The following MOXD1 variants were observed in gnomAD, a reference collection of about 807,000 sequenced individuals.
MOXD1 encodes the protein monooxygenase DBH like 1.
Under a neutral mutation model 66.6 loss-of-function variants are expected in MOXD1, and 62 were observed. That is an observed-to-expected ratio of 0.93 (90% confidence interval 0.76 to 1.15). The LOEUF is 1.15. Among genes scored for constraint, MOXD1 ranks in the 50% most tolerant of loss-of-function variants. The pLI, the probability that MOXD1 is intolerant of heterozygous loss-of-function variation, is 0.00. For missense variants in MOXD1, 847 were observed against 754.6 expected, an observed-to-expected ratio of 1.12 and a Z score of -1.44; for synonymous variants, 303 against 281.9, an observed-to-expected ratio of 1.07 and a Z score of -0.75.
intron 1 of MOXD1, chr6:132,390,822 T>A (rs1023740167): frequency 6.6e-6 from 1 of 151,508 alleles, no homozygotes; most frequent in Non-Finnish European, 1.5e-5. Flanking sequence ...ATATGATGAA[T>A]GAAAAATCAT....
intron 1 of MOXD1, among the ~76,000 whole-genome samples, chr6:132,400,832 C>A (rs1386545226): frequency 6.6e-6 from 1 of 152,196 alleles, no homozygotes; most frequent in Non-Finnish European, 1.5e-5. Context: ...AGCCTAGGTC[C>A]TTCTCCCTTC....
At chr6:132,328,265 A>G (rs1433094663) in intron 5 of MOXD1, 150 bp from the exon 6 acceptor site, 2 of 1,219,920 alleles carry the variant, frequency 1.6e-6, no homozygotes, top group Non-Finnish European at 2.3e-6. Context: ...TGACTTAAAG[A>G]AAGAATCCCT....
chr6:132,335,159 T>A (rs1460715403), intron 4 of MOXD1, among the ~76,000 whole-genome samples: 1 of 151,922 alleles, frequency 6.6e-6, no homozygotes, highest in African/African-American at 2.4e-5. Context: ...TGAAAACAGA[T>A]TCAGTTCAAA....
At chr6:132,320,783 A>G in intron 8 of MOXD1, 95 bp from the exon 9 acceptor site, 1 of 1,005,054 alleles carries the variant, frequency 9.9e-7, no homozygotes, top group Middle Eastern at 2.1e-4. Flanking sequence ...TTGCTGTATG[A>G]ATGGATGCGC....
Position 132,401,209 on chromosome 6 carries a change from G to A in MOXD1, c.218C>T (p.Ala73Val). The A allele has an allele frequency of 6.4e-7, 1 of 1,561,100 alleles. No individual in the cohort carries two copies. Among genetic ancestry groups the A allele is most frequent in the Non-Finnish European group, 8.6e-7 (1 of 1,161,754 alleles). Residue 73 changes from alanine (A) to valine (V), a missense_variant, in exon 1 of 12, where the codon GCC becomes GTC. Ala to Val is a moderately conservative substitution (Grantham distance 64). Coordinates refer to ENST00000367963, the MANE Select transcript of MOXD1 (RefSeq NM_015529.4). ...GFSPTGAMAS[A>V]DIVVGGVAHG... The stretch of plus-strand genomic sequence containing the variant: ...GGCCACCCCGCCCACGACGATGTCG[G>A]CGGACGCCATGGCCCCGGTGGGCGA...
intron 1 of MOXD1, among the ~76,000 whole-genome samples, chr6:132,380,400 CT>C (rs1184205866): frequency 6.6e-6 from 1 of 152,138 alleles, no homozygotes; most frequent in Non-Finnish European, 1.5e-5. Flanking sequence ...CAGCTCTTTG[CT>C]TTTGTTCACA....
intron 1 of MOXD1, among the ~76,000 whole-genome samples, chr6:132,375,938 C>T (rs1051448997): frequency 6.6e-6 from 1 of 152,102 alleles, no homozygotes; most frequent in African/African-American, 2.4e-5. Context: ...ATGGTTTGGG[C>T]GGGGTCATAA....
rs181489154 is a variant in MOXD1, at chr6:132,342,643, A to T, written c.664-14049T>A. On this transcript the variant is annotated intron_variant, in intron 4 of 11. Transcript: ENST00000367963. Reference sequence around the variant, plus strand: ...TATTGCATACATCTCTATAGGTATGAGCTGTTTTTAAATGATACATGAATT... The same window carrying T: ...TATTGCATACATCTCTATAGGTATGTGCTGTTTTTAAATGATACATGAATT... Among the ~76,000 whole-genome samples, 421 of 152,290 alleles carry T rather than the reference A, an allele frequency of 2.8e-3. 1 individual carries two copies. The highest frequency in any genetic ancestry group is 9.7e-3 in the African/African-American group (402 of 41,554).
At chr6:132,367,108 C>CA (rs1179626075) in intron 4 of MOXD1, among the ~76,000 whole-genome samples, 1 of 151,986 alleles carries the variant, frequency 6.6e-6, no homozygotes, top group Non-Finnish European at 1.5e-5. Context: ...AGGATGATGA[C>CA]AGTGTTTTAC....
chr6:132,349,396 CATATATATACATATAT>C (rs1162001850), intron 4 of MOXD1, among the ~76,000 whole-genome samples: 616 of 41,280 alleles, frequency 0.015, 134 homozygotes, highest in South Asian at 0.043. Flanking sequence ...TATATATACA[CATATATATACATATAT>C]ATATATATAC....
chr6:132,328,123 T>C lies in MOXD1; in HGVS notation c.844-8A>G, dbSNP rs199511460. 5.0e-4 allele frequency: 807 copies of C among 1,606,198 alleles called. 5 individuals are homozygous for C. In the African/African-American group the frequency reaches 9.6e-3, roughly 19 times the overall value. ...AGGTGGATAAGAAAAGCCCTAAATA[T>C]GGAAAATGCCATGAGACAATGTCCT... On this transcript the variant is annotated splice_polypyrimidine_tract_variant and splice_region_variant and intron_variant, in intron 5 of 11. Coordinates refer to ENST00000367963, the MANE Select transcript of MOXD1 (RefSeq NM_015529.4).
chr6:132,354,742 G>A (rs1225463088), intron 4 of MOXD1, among the ~76,000 whole-genome samples: 1 of 152,212 alleles, frequency 6.6e-6, no homozygotes, highest in African/African-American at 2.4e-5. Flanking sequence ...TTTGTCTTCA[G>A]CTACCAGGGT....
At chr6:132,393,800 A>C (rs1203484832) in intron 1 of MOXD1, among the ~76,000 whole-genome samples, 1 of 152,116 alleles carries the variant, frequency 6.6e-6, no homozygotes, top group African/African-American at 2.4e-5. Flanking sequence ...CACAGACACC[A>C]CTGTTGGGCT....
intron 4 of MOXD1, among the ~76,000 whole-genome samples, chr6:132,344,895 G>A (rs556981515): frequency 1.9e-4 from 29 of 152,188 alleles, no homozygotes; most frequent in Non-Finnish European, 4.1e-4. Context: ...TCTCCACCCT[G>A]CTGACTCTTC....
At chr6:132,323,453 C>T (rs1775122902) in intron 7 of MOXD1, among the ~76,000 whole-genome samples, 2 of 152,242 alleles carry the variant, frequency 1.3e-5, no homozygotes, top group African/African-American at 4.8e-5. Context: ...CATTAAAAAA[C>T]TTGAAGTGAA....
At chr6:132,321,666 G>A (rs1179525507) in intron 8 of MOXD1, among the ~76,000 whole-genome samples, 3 of 152,032 alleles carry the variant, frequency 2.0e-5, no homozygotes, top group African/African-American at 4.8e-5. Context: ...GTATCTCATC[G>A]CACTTATGCC....
intron 10 of MOXD1, among the ~76,000 whole-genome samples, chr6:132,314,286 G>A (rs1774894180): frequency 6.6e-6 from 1 of 152,216 alleles, no homozygotes; most frequent in Non-Finnish European, 1.5e-5. Flanking sequence ...TGAATGGAAT[G>A]TGTCTCATCA....
intron 9 of MOXD1, among the ~76,000 whole-genome samples, chr6:132,318,672 C>A (rs1481844177): frequency 6.6e-6 from 1 of 151,958 alleles, no homozygotes; most frequent in Non-Finnish European, 1.5e-5. Context: ...TTGACGTAGT[C>A]AAATTTGTTA....
At position 132,401,391 on chromosome 6, in the gene MOXD1, C is replaced by A; in HGVS notation, c.36G>T (p.Leu12=). 6.5e-7 allele frequency: 1 copy of A among 1,529,290 alleles called. No homozygotes were observed. The highest frequency in any genetic ancestry group is 1.9e-4 in the Middle Eastern group (1 of 5,146). 94.7% of individuals were successfully genotyped at this position (1,529,290 alleles called of 1,614,324 possible). A position where few individuals can be genotyped will look rare whatever the true frequency, so the allele number is the denominator to read the frequency against. ...CCWPLLLLWG[L]LPGTAAGGSG... is the part of the protein sequence containing the mutation. ...AGCCCCCCGCCGCCGTCCCGGGGAG[C>A]AGCCCCCACAGCAGGAGCAGCGGCC... Residue 12 remains leucine (L), a synonymous_variant, in exon 1 of 12, where the codon CTG becomes CTT. Coordinates refer to ENST00000367963, the MANE Select transcript of MOXD1 (RefSeq NM_015529.4).
Sources: allele counts gnomAD v4.1 joint callset (sites outside exome capture counted in the v4.1 genomes callset), GRCh38; gene constraint gnomAD v4.1.1; transcripts MANE v1.5; gene names NCBI Gene and HGNC (gene_info 2026-07-23, HGNC 2026-07-21).